Variants in OPA1 observed in about 807,000 individuals in gnomAD.
OPA1 encodes the protein OPA1 mitochondrial dynamin like GTPase, also known as dynamin-like GTPase OPA1, mitochondrial.
A neutral mutation model predicts 152.9 loss-of-function variants in OPA1; 59 were observed. That is an observed-to-expected ratio of 0.39 (90% confidence interval 0.31 to 0.48). The LOEUF (loss-of-function observed/expected upper bound fraction) is 0.48. Ranked by LOEUF, OPA1 falls within the 20% of genes least tolerant of loss-of-function variation. The pLI, the probability that OPA1 is intolerant of heterozygous loss-of-function variation, is 0.96. For synonymous variants in OPA1, 400 were observed against 389.9 expected (o/e 1.03, Z -0.31); for missense variants, 1,008 against 1,216.8 (o/e 0.83, Z 2.55).
At chr3:193,618,639 T>A (rs796479349) in intron 5 of OPA1, 25 of 504,902 alleles carry the variant, frequency 5.0e-5, no homozygotes, top group African/African-American at 4.1e-4. Flanking sequence ...TATATATTTT[T>A]AATTGTTAGG....
At chr3:193,601,330 G>A (rs1205106644) in intron 1 of OPA1, among the ~76,000 whole-genome samples, 1 of 152,056 alleles carries the variant, frequency 6.6e-6, no homozygotes, top group African/African-American at 2.4e-5. Flanking sequence ...CAAGTATAAG[G>A]GCTATCATGA....
At chr3:193,680,718 T>C (rs1471634695) in intron 29 of OPA1, among the ~76,000 whole-genome samples, 1 of 152,248 alleles carries the variant, frequency 6.6e-6, no homozygotes, top group Non-Finnish European at 1.5e-5. Context: ...AGCATTTAAT[T>C]GACTAAGAAT....
At chr3:193,624,258 C>G (rs1321303645) in intron 6 of OPA1, 1 of 152,182 alleles carries the variant, frequency 6.6e-6, no homozygotes, top group Non-Finnish European at 1.5e-5. Context: ...ACTCTTTGTT[C>G]TACTCTTTGC....
intron 1 of OPA1, among the ~76,000 whole-genome samples, chr3:193,604,895 T>C (rs1362482353): frequency 7.2e-6 from 1 of 138,532 alleles, no homozygotes; most frequent in South Asian, 2.4e-4. Context: ...AAAGAAAAAA[T>C]TGAAGTTTTT....
At chr3:193,648,932 G>A (rs893704389) in intron 21 of OPA1, 61 bp downstream of exon 21, 6 of 1,121,556 alleles carry the variant, frequency 5.3e-6, no homozygotes, top group Non-Finnish European at 8.2e-6. Context: ...ATAATGAAAT[G>A]CTAAAACTTA....
rs1734773985 is a variant in OPA1 at position 193,647,075 on chromosome 3, C to T, written c.1765C>T (p.Leu589=). 4 of 1,609,780 alleles carry T rather than the reference C, an allele frequency of 2.5e-6. No homozygotes were observed. Among genetic ancestry groups the T allele is most frequent in the Non-Finnish European group, 3.4e-6 (4 of 1,177,656 alleles). Residue 589 remains leucine (L), a synonymous_variant, in exon 19 of 31, where the codon CTA becomes TTA. Coordinates refer to ENST00000361510, the MANE Select transcript of OPA1 (RefSeq NM_130837.3). ...QNSKLLKTSM[L]KAHQVTTRNL... is the part of the protein sequence containing the mutation. ...ATTTTTTTTTAATAGGACAAGCATG[C>T]TAAAGGCACACCAAGTGACTACAAG...
At chr3:193,615,880 T>A in intron 3 of OPA1, 110 bp downstream of exon 3, 1 of 748,610 alleles carries the variant, frequency 1.3e-6, no homozygotes, top group Non-Finnish European at 2.4e-6. Flanking sequence ...GGTTTTATTT[T>A]AATGATATAA....
intron 29 of OPA1, among the ~76,000 whole-genome samples, chr3:193,685,357 C>T (rs924850154): frequency 1.3e-5 from 2 of 151,114 alleles, no homozygotes; most frequent in African/African-American, 4.9e-5. Flanking sequence ...TTTATATATT[C>T]AGCAGGCATC....
chr3:193,679,515 G>A (rs1213798661), intron 29 of OPA1, among the ~76,000 whole-genome samples: 10 of 152,058 alleles, frequency 6.6e-5, no homozygotes, highest in African/African-American at 2.2e-4. Context: ...AGAAATTAAC[G>A]TTCATTGACA....
rs542583533 is a variant in OPA1, at chr3:193,675,800, G to A, written c.2983+8520G>A. On this transcript the variant is annotated intron_variant, in intron 29 of 30. Coordinates refer to ENST00000361510, the MANE Select transcript of OPA1 (RefSeq NM_130837.3). The stretch of plus-strand genomic sequence containing the variant: ...CATTCATAAATTCCCCATACCTCGT[G>A]TGTTACATATTGTACTGTACACATT... Among the ~76,000 whole-genome samples the A allele has an allele frequency of 7.2e-5, 11 of 152,318 alleles. No homozygotes were observed. The South Asian group carries it at 1.9e-3, about 26-fold the overall frequency.
intron 29 of OPA1, among the ~76,000 whole-genome samples, chr3:193,673,720 C>T (rs55646703): frequency 0.01 from 1,536 of 152,174 alleles, 19 homozygotes; most frequent in African/African-American, 0.032. Context: ...GTATTTATTC[C>T]TATTTCTTGT....
chr3:193,631,012 A>G (rs1050005927), intron 7 of OPA1, among the ~76,000 whole-genome samples: 1 of 152,188 alleles, frequency 6.6e-6, no homozygotes, highest in African/African-American at 2.4e-5. Flanking sequence ...ACGAGTTAGC[A>G]GATCTTTCCT....
chr3:193,666,306 A>G lies in OPA1; in HGVS notation c.2789A>G (p.Asn930Ser). ...RHFVDSELEC[N>S]DVVLFWRIQR... The stretch of plus-strand genomic sequence containing the variant: ...TACTTAATATTTCAGTTGGAATGCA[A>G]TGATGTGGTCTTGTTTTGGCGTATA... The change falls in exon 28 of 31, where the codon AAT (asparagine) becomes AGT (serine). Residue 930 changes from asparagine to serine, a missense_variant. Coordinates refer to ENST00000361510, the MANE Select transcript of OPA1 (RefSeq NM_130837.3). 6.2e-7 allele frequency: 1 copy of G among 1,613,986 alleles called. No individual in the cohort carries two copies. Among genetic ancestry groups the G allele is most frequent in the Non-Finnish European group, 8.5e-7 (1 of 1,179,844 alleles).
intron 29 of OPA1, among the ~76,000 whole-genome samples, chr3:193,688,311 C>A (rs1721190550): frequency 6.6e-6 from 1 of 151,932 alleles, no homozygotes; most frequent in East Asian, 1.9e-4. Context: ...AAGTGTGCGT[C>A]AATTTAGTCT....
chr3:193,619,678 A>G (rs1283626574), intron 6 of OPA1: 2 of 152,322 alleles, frequency 1.3e-5, no homozygotes, highest in East Asian at 3.9e-4. Context: ...GTTTTTTTCT[A>G]AATAATACCT....
chr3:193,636,959 C>A (rs2109010083), intron 9 of OPA1, among the ~76,000 whole-genome samples: 1 of 152,150 alleles, frequency 6.6e-6, no homozygotes, highest in East Asian at 1.9e-4. Context: ...GTTAGGAAAT[C>A]CTGAATTAAT....
intron 7 of OPA1, chr3:193,628,653 A>G (rs1466268537): frequency 6.6e-6 from 1 of 152,234 alleles, no homozygotes. Flanking sequence ...CAAACAATAT[A>G]TTGAACAACA....
chr3:193,666,448 C>A, intron 28 of OPA1, 59 bp downstream of exon 28: 1 of 1,337,372 alleles, frequency 7.5e-7, no homozygotes, highest in African/African-American at 1.4e-5. Context: ...GTGGTAATAT[C>A]CATATTTAAT....
chr3:193,598,418 A>G (rs1725942094), intron 1 of OPA1, among the ~76,000 whole-genome samples: 1 of 152,164 alleles, frequency 6.6e-6, no homozygotes, highest in Non-Finnish European at 1.5e-5. Flanking sequence ...ATGAATTGCT[A>G]AGAGAGATGA....
Sources: gnomAD v4.1 joint callset for allele counts (sites outside exome capture counted in the v4.1 genomes callset) on GRCh38, gnomAD v4.1.1 for gene constraint, MANE v1.5 for transcripts, NCBI Gene and HGNC (gene_info 2026-07-23, HGNC 2026-07-21) for gene names.